Variants in NOTCH2NLC observed in about 807,000 individuals in gnomAD.
NOTCH2NLC encodes the protein notch homolog 2 N-terminal-like protein C.
NOTCH2NLC carries 4 observed loss-of-function variants against 17.7 expected under a neutral mutation model. That is an observed-to-expected ratio of 0.23 (90% CI 0.11 to 0.52). The LOEUF is 0.52. Among genes scored for constraint, NOTCH2NLC ranks in the 20% least tolerant of loss-of-function variants. The probability of loss-of-function intolerance (pLI) is 0.96; values close to 1 mark genes in which losing one functional copy is unlikely to be tolerated. For synonymous variants in NOTCH2NLC, 18 were observed against 86.0 expected (o/e 0.21, Z 4.38); for missense variants, 57 against 207.2 (o/e 0.28, Z 4.45).
Position 149,428,790 on chromosome 1 carries a change from C to T in NOTCH2NLC, c.136-2152C>T, listed in dbSNP as rs1361633299. On this transcript the variant is annotated intron_variant, in intron 1 of 4. Coordinates refer to ENST00000650865, the MANE Select transcript of NOTCH2NLC (RefSeq NM_001364013.2). Reference sequence around the variant, plus strand: ...AGACAGGATTTCAGGTCTCCTGAGTCCCTCCACTGCACCAGGATTCCTGCA... The same window carrying T: ...AGACAGGATTTCAGGTCTCCTGAGTTCCTCCACTGCACCAGGATTCCTGCA... Among the ~76,000 whole-genome samples the T allele has an allele frequency of 1.3e-5, 2 of 149,838 alleles. 1 individual carries two copies. The highest frequency in any genetic ancestry group is 3.0e-5 in the Non-Finnish European group (2 of 67,050).
At chr1:149,457,583 A>G (rs2084620943) in intron 3 of NOTCH2NLC, among the ~76,000 whole-genome samples, 2 of 150,078 alleles carry the variant, frequency 1.3e-5, no homozygotes, top group African/African-American at 4.9e-5. Flanking sequence ...ATTAATTCAC[A>G]TGATCACGAG....
intron 1 of NOTCH2NLC, among the ~76,000 whole-genome samples, chr1:149,424,997 A>G (rs2084405125): frequency 1.3e-5 from 2 of 151,372 alleles, no homozygotes; most frequent in African/African-American, 4.8e-5. Context: ...ATTGGGGATT[A>G]CGTTTCAACG....
At chr1:149,457,721 G>A (rs2084621542) in intron 3 of NOTCH2NLC, among the ~76,000 whole-genome samples, 1 of 139,396 alleles carries the variant, frequency 7.2e-6, no homozygotes, top group South Asian at 2.4e-4. Context: ...TGTAGGCTGG[G>A]AGGCTAGGCC....
intron 1 of NOTCH2NLC, among the ~76,000 whole-genome samples, chr1:149,415,196 G>A (rs1483526522): frequency 1.0e-5 from 1 of 97,794 alleles, no homozygotes; most frequent in East Asian, 3.7e-4. Context: ...CAGTAGAAGG[G>A]GGAATCTACC....
At chr1:149,424,235 T>G (rs1165979006) in intron 1 of NOTCH2NLC, among the ~76,000 whole-genome samples, 1 of 151,372 alleles carries the variant, frequency 6.6e-6, no homozygotes, top group East Asian at 2.0e-4. Flanking sequence ...AAGAGCCTTG[T>G]CTGGATTGAG....
chr1:149,450,276 AT>A (rs2101504042), intron 2 of NOTCH2NLC, among the ~76,000 whole-genome samples: 1 of 137,534 alleles, frequency 7.3e-6, no homozygotes, highest in African/African-American at 2.7e-5. Context: ...TATGTGCTGG[AT>A]AGTGTTCTAA....
intron 1 of NOTCH2NLC, among the ~76,000 whole-genome samples, chr1:149,423,310 C>T (rs2084388936): frequency 6.6e-6 from 1 of 150,552 alleles, no homozygotes; most frequent in African/African-American, 2.4e-5. Flanking sequence ...TTCTCCGCTT[C>T]GTTTTTATTT....
At chr1:149,423,583 G>C (rs1277570776) in intron 1 of NOTCH2NLC, among the ~76,000 whole-genome samples, 3 of 147,766 alleles carry the variant, frequency 2.0e-5, no homozygotes, top group African/African-American at 7.5e-5. Context: ...CCATGTGCCA[G>C]AATCAACAGC....
chr1:149,419,870 T>TC (rs1306408478), intron 1 of NOTCH2NLC, among the ~76,000 whole-genome samples: 1 of 125,926 alleles, frequency 7.9e-6, no homozygotes, highest in Non-Finnish European at 1.7e-5. Flanking sequence ...TTTTTTTTTT[T>TC]TTTTTTTTTT....
At position 149,470,321 on chromosome 1, in the gene NOTCH2NLC, T is replaced by G. The variant is rs1198902762; in HGVS notation, c.*6168T>G. 2.6e-4 allele frequency among the ~76,000 whole-genome samples: 40 copies of G among 151,202 alleles called. No homozygotes were observed. The highest frequency in any genetic ancestry group is 9.7e-4 in the African/African-American group (40 of 41,294). On this transcript the variant is annotated 3_prime_UTR_variant, in exon 5 of 5. Transcript: ENST00000650865. ...TTTAGTGCTTTTTCCCTTAATACAA[T>G]AGCTTTGAGATATAATTTATATACC...
chr1:149,454,513 A>G (rs1344867116), intron 2 of NOTCH2NLC, among the ~76,000 whole-genome samples: 8,700 of 146,282 alleles, frequency 0.059, 431 homozygotes, highest in Middle Eastern at 0.081. Flanking sequence ...CAGTGCCTCA[A>G]TGTGGAAAAT....
chr1:149,420,477 A>AT (rs1570906968), intron 1 of NOTCH2NLC, among the ~76,000 whole-genome samples: 2 of 148,020 alleles, frequency 1.4e-5, no homozygotes, highest in African/African-American at 4.9e-5. Flanking sequence ...TATAATAATA[A>AT]AAAAAAAGAA....
intron 1 of NOTCH2NLC, among the ~76,000 whole-genome samples, chr1:149,398,134 A>G (rs2084219042): frequency 6.6e-6 from 1 of 151,204 alleles, no homozygotes; most frequent in Non-Finnish European, 1.5e-5. Context: ...TCTTAATACC[A>G]CCAGGGAAAG....
intron 1 of NOTCH2NLC, among the ~76,000 whole-genome samples, chr1:149,423,249 G>GTT (rs1233587636): frequency 1.4e-5 from 2 of 146,284 alleles, no homozygotes; most frequent in South Asian, 2.2e-4. Context: ...TTTTTTTTGG[G>GTT]TTTTTTTTTT....
chr1:149,463,213 A>G (rs1328020561), intron 3 of NOTCH2NLC, among the ~76,000 whole-genome samples: 1 of 149,968 alleles, frequency 6.7e-6, no homozygotes, highest in African/African-American at 2.4e-5. Flanking sequence ...CCTATTGCTG[A>G]TAGCGTCCTG....
Position 149,463,523 on chromosome 1 carries a change from T to A in NOTCH2NLC, c.502T>A (p.Ser168Thr). 1.7e-6 allele frequency: 1 copy of A among 573,820 alleles called. No homozygotes were observed. The highest frequency in any genetic ancestry group is 3.0e-5 in the East Asian group (1 of 33,742). The allele number at this position is 573,820 out of a possible 1,614,324, so 35.5% of individuals were successfully genotyped here. A position where few individuals can be genotyped will look rare whatever the true frequency, so the allele number is the denominator to read the frequency against. The change falls in exon 4 of 5, where the codon TCT (serine) becomes ACT (threonine). Residue 168 changes from serine (S) to threonine (T), a missense_variant. Ser to Thr is a moderately conservative substitution (Grantham distance 58). This residue lies in a region of NOTCH2NLC where 8 missense variants were observed against 49.2 expected (regional missense o/e 0.16). Coordinates refer to ENST00000650865, the MANE Select transcript of NOTCH2NLC (RefSeq NM_001364013.2). ...GTGCCAATGGACCGATGCCTGCCTG[T>A]CTCATCCCTGTGCAAATGGAAGTAC... is the stretch of plus-strand genomic sequence containing the variant. The part of the protein sequence containing the change: ...KECQWTDACL[S>T]HPCANGSTCT...
chr1:149,393,200 G>T (rs2084185405), intron 1 of NOTCH2NLC, among the ~76,000 whole-genome samples: 1 of 150,510 alleles, frequency 6.6e-6, no homozygotes, highest in Non-Finnish European at 1.5e-5. Flanking sequence ...CTCTGCTGAG[G>T]TGCTGCGATT....
chr1:149,433,585 A>G (rs1394252870), intron 2 of NOTCH2NLC, among the ~76,000 whole-genome samples: 2 of 145,954 alleles, frequency 1.4e-5, no homozygotes, highest in Non-Finnish European at 3.1e-5. Flanking sequence ...GTGTTCGCCT[A>G]TATATTTTTG....
intron 1 of NOTCH2NLC, among the ~76,000 whole-genome samples, chr1:149,427,213 A>G (rs2084417878): frequency 6.7e-6 from 1 of 150,314 alleles, no homozygotes; most frequent in Non-Finnish European, 1.5e-5. Context: ...ACTCTATGCA[A>G]TATATCTCAA....
Sources: allele counts gnomAD v4.1 joint callset (sites outside exome capture counted in the v4.1 genomes callset), GRCh38; gene constraint gnomAD v4.1.1; regional missense constraint gnomAD v4.1.1; transcripts MANE v1.5; gene names NCBI Gene and HGNC (gene_info 2026-07-23, HGNC 2026-07-21).